USP46: variants seen among roughly 807,000 people sequenced by gnomAD.
USP46 encodes the protein ubiquitin specific peptidase 46.
USP46 carries 12 observed loss-of-function variants against 44.4 expected under a neutral mutation model. The observed-to-expected ratio is 0.27, with a 90% confidence interval of 0.17 to 0.44. The LOEUF is 0.44. Among genes scored for constraint, USP46 ranks in the 20% least tolerant of loss-of-function variants. The pLI, the probability that USP46 is intolerant of heterozygous loss-of-function variation, is 1.00. For synonymous variants in USP46, 155 were observed against 161.5 expected (o/e 0.96, Z 0.31); for missense variants, 248 against 444.8 (o/e 0.56, Z 3.98).
At chr4:52,604,379 C>T (rs2109598432) in intron 6 of USP46, 122 bp downstream of exon 6, 2 of 765,106 alleles carry the variant, frequency 2.6e-6, no homozygotes, top group East Asian at 2.8e-5. Flanking sequence ...AACTGACTTC[C>T]CCAAGGCTCC....
At chr4:52,630,652 GC>G in intron 2 of USP46, among the ~76,000 whole-genome samples, 1 of 150,506 alleles carries the variant, frequency 6.6e-6, no homozygotes, top group African/African-American at 2.4e-5. Context: ...GTAGGAGATC[GC>G]TTGAACACAC....
intron 5 of USP46, among the ~76,000 whole-genome samples, chr4:52,608,855 A>G (rs917191430): frequency 1.3e-5 from 2 of 152,176 alleles, no homozygotes; most frequent in Non-Finnish European, 2.9e-5. Context: ...AGGAAAGAGA[A>G]GGTGGTGGTT....
intron 7 of USP46, among the ~76,000 whole-genome samples, chr4:52,601,119 C>G (rs1212869507): frequency 6.6e-6 from 1 of 152,214 alleles, no homozygotes; most frequent in Non-Finnish European, 1.5e-5. Flanking sequence ...GAGAAAGACT[C>G]TTGCTCTATG....
chr4:52,626,384 A>G, intron 3 of USP46, 137 bp from the exon 4 acceptor site: 1 of 720,246 alleles, frequency 1.4e-6, no homozygotes, highest in East Asian at 2.8e-5. Context: ...GCGTAGTGGC[A>G]TGATCTCAGT....
At chr4:52,632,982 A>G (rs946812352) in intron 1 of USP46, among the ~76,000 whole-genome samples, 1 of 92,074 alleles carries the variant, frequency 1.1e-5, no homozygotes, top group Non-Finnish European at 2.1e-5. Flanking sequence ...GAAAGAAAGA[A>G]AGAAAAGAAA....
At chr4:52,598,909 T>G (rs1050670252) in intron 7 of USP46, among the ~76,000 whole-genome samples, 2 of 152,322 alleles carry the variant, frequency 1.3e-5, no homozygotes, top group East Asian at 3.9e-4. Context: ...AGATGTCTCC[T>G]AAGGACTCAT....
Position 52,601,988 on chromosome 4 carries a change from C to T in USP46, c.789G>A (p.Gln263=), listed in dbSNP as rs374338221. The T allele has an allele frequency of 1.2e-6, 2 of 1,613,994 alleles. No homozygotes were observed. Among genetic ancestry groups the T allele is most frequent in the East Asian group, 4.5e-5 (2 of 44,876 alleles). ...LHLKRFKYME[Q]LHRYTKLSYR... is the part of the protein sequence containing the mutation. ...AAGACAGCTTGGTGTATCTGTGCAG[C>T]TGCTCCATGTACTTGAACCGCTTTA... Residue 263 remains glutamine (Q), a synonymous_variant, in exon 7 of 9, where the codon CAG becomes CAA. Transcript: ENST00000441222.
In USP46 at chr4:52,659,174, C is replaced by A; in HGVS notation, c.-24G>T. On this transcript the variant is annotated 5_prime_UTR_variant, in exon 1 of 9. In the 5' UTR this introduces an upstream ATG that the reference lacks. Coordinates refer to ENST00000441222, the MANE Select transcript of USP46 (RefSeq NM_022832.4). This position sits in a 1 kb window ranked among gnomAD's most constrained non-coding sequence, Gnocchi z 4.2. ...ATTAGTCTAAAGGTTGCAGCGATCC[C>A]TCACCGCCATCTTTACAAGGGGAAA... 1 of 1,546,104 alleles carries A rather than the reference C, an allele frequency of 6.5e-7. No homozygotes were observed. The highest frequency in any genetic ancestry group is 2.6e-5 in the East Asian group (1 of 38,300).
rs1393938519 is a variant in USP46, at chr4:52,594,522, C to T, written c.*3118G>A. 1 of 152,152 alleles carries T rather than the reference C, an allele frequency of 6.6e-6. No homozygotes were observed. Among genetic ancestry groups the T allele is most frequent in the Non-Finnish European group, 1.5e-5 (1 of 68,028 alleles). The allele number at this position is 152,152 out of a possible 1,614,324, so 9.4% of individuals were successfully genotyped here. A position where few individuals can be genotyped will look rare whatever the true frequency, so the allele number is the denominator to read the frequency against. On this transcript the variant is annotated 3_prime_UTR_variant, in exon 9 of 9. Coordinates refer to ENST00000441222, the MANE Select transcript of USP46 (RefSeq NM_022832.4). ...TCATTACAATAGTGCTGATAAATGC[C>T]TTGACCATATAATAGCAAACAAGGG...
At chr4:52,610,884 A>G (rs1000861293) in intron 4 of USP46, among the ~76,000 whole-genome samples, 5 of 152,204 alleles carry the variant, frequency 3.3e-5, no homozygotes, top group East Asian at 1.9e-4. Flanking sequence ...CTTCCTCTCC[A>G]TTCATTTTTC....
intron 1 of USP46, among the ~76,000 whole-genome samples, chr4:52,632,365 T>C (rs761732735): frequency 6.6e-6 from 1 of 152,154 alleles, no homozygotes; most frequent in Non-Finnish European, 1.5e-5. Flanking sequence ...TTCAGTCCAA[T>C]AAGGTAAGTA....
At chr4:52,653,923 A>G (rs1718860627) in intron 1 of USP46, among the ~76,000 whole-genome samples, 1 of 152,216 alleles carries the variant, frequency 6.6e-6, no homozygotes, top group South Asian at 2.1e-4. Flanking sequence ...TTATAACCCA[A>G]ACATACCAAA....
In USP46 at chr4:52,631,106, T is replaced by C; in HGVS notation, c.75A>G (p.Pro25=). The C allele has an allele frequency of 1.3e-6, 2 of 1,567,712 alleles. No homozygotes were observed. The highest frequency in any genetic ancestry group is 1.7e-6 in the Non-Finnish European group (2 of 1,154,256). ...NASALEKDIG[P]EQFPINEHYF... ...AGTGTTCATTGATTGGAAACTGCTC[T>C]GGACCAATGTCTTTTTCCAGAGCAG... The change falls in exon 2 of 9, where the codon CCA becomes CCG. Residue 25 remains proline (P), a synonymous_variant. Transcript: ENST00000441222.
chr4:52,601,529 A>G (rs1283626752), intron 7 of USP46, among the ~76,000 whole-genome samples: 1 of 152,246 alleles, frequency 6.6e-6, no homozygotes, highest in Non-Finnish European at 1.5e-5. Context: ...TGTAAATGCA[A>G]CTTGGCTTTT....
intron 4 of USP46, among the ~76,000 whole-genome samples, chr4:52,614,571 C>A (rs1406560501): frequency 6.6e-6 from 1 of 152,022 alleles, no homozygotes; most frequent in Non-Finnish European, 1.5e-5. Context: ...ACAGATCATT[C>A]AAGAATGAAG....
At chr4:52,651,007 T>A (rs760857311) in intron 1 of USP46, 1 of 148,396 alleles carries the variant, frequency 6.7e-6, no homozygotes, top group Non-Finnish European at 1.5e-5. Context: ...GGCAGGAGAA[T>A]CGCTTGAACC....
At chr4:52,625,959 C>T (rs1197158583) in intron 4 of USP46, 59 bp downstream of exon 4, 3 of 1,474,900 alleles carry the variant, frequency 2.0e-6, no homozygotes, top group African/African-American at 2.8e-5. Flanking sequence ...CAATCACATG[C>T]AACATAGCGT....
At chr4:52,609,964 C>T (rs544858511) in intron 5 of USP46, among the ~76,000 whole-genome samples, 17 of 101,398 alleles carry the variant, frequency 1.7e-4, no homozygotes, top group Middle Eastern at 0.011. Context: ...TTCGCTCTGT[C>T]GCCCAGGCTG....
rs1205856045 is a variant in USP46 at position 52,593,586 on chromosome 4, G to A, written c.*4054C>T. On this transcript the variant is annotated 3_prime_UTR_variant, in exon 9 of 9. Transcript: ENST00000441222. ...CCATAGTTACTGTAGGCTTCACTGA[G>A]GCCACATGGCATGGACCTGTGCCTG... is the stretch of plus-strand genomic sequence containing the variant. The A allele has an allele frequency of 1.3e-5, 2 of 152,272 alleles. No individual in the cohort carries two copies. Among genetic ancestry groups the A allele is most frequent in the Non-Finnish European group, 2.9e-5 (2 of 68,078 alleles). 9.4% of individuals were successfully genotyped at this position (152,272 alleles called of 1,614,324 possible). A position where few individuals can be genotyped will look rare whatever the true frequency, so the allele number is the denominator to read the frequency against.
Sources: gnomAD v4.1 joint callset for allele counts (sites outside exome capture counted in the v4.1 genomes callset) on GRCh38, gnomAD v4.1.1 for gene constraint, Gnocchi (gnomAD v3.1) non-coding constraint, MANE v1.5 for transcripts, NCBI Gene and HGNC (gene_info 2026-07-23, HGNC 2026-07-21) for gene names.